The following NKAIN3 variants were observed in gnomAD, a reference collection of about 807,000 sequenced individuals.
NKAIN3 encodes the protein sodium/potassium transporting ATPase interacting 3.
In NKAIN3, 25 loss-of-function variants were observed where a neutral mutation model predicts 30.2. The observed-to-expected ratio is 0.83, with a 90% confidence interval of 0.60 to 1.16. The LOEUF is 1.16. NKAIN3 is among the 50% of genes most tolerant of loss of function. NKAIN3 has a pLI of 0.00. For synonymous variants in NKAIN3, 91 were observed against 89.6 expected, an observed-to-expected ratio of 1.02 and a Z score of -0.09; for missense variants, 225 against 254.1, an observed-to-expected ratio of 0.89 and a Z score of 0.78.
At chr8:62,362,553 T>C (rs1353285141) in intron 1 of NKAIN3, among the ~76,000 whole-genome samples, 1 of 152,044 alleles carries the variant, frequency 6.6e-6, no homozygotes, top group Non-Finnish European at 1.5e-5. Flanking sequence ...CAAGAGAAAC[T>C]GCAGAACCCA....
chr8:62,525,796 T>C (rs915614672), intron 1 of NKAIN3, among the ~76,000 whole-genome samples: 2 of 152,162 alleles, frequency 1.3e-5, no homozygotes, highest in Non-Finnish European at 2.9e-5. Flanking sequence ...ACAAAATCTA[T>C]GGTAAAACTT....
At chr8:62,345,496 C>CATGT (rs1554669303) in intron 1 of NKAIN3, among the ~76,000 whole-genome samples, 7 of 117,522 alleles carry the variant, frequency 6.0e-5, no homozygotes, top group South Asian at 2.5e-4. Flanking sequence ...TATATACACA[C>CATGT]ATATATACAC....
chr8:62,586,933 C>T (rs1785332011), intron 2 of NKAIN3, among the ~76,000 whole-genome samples: 1 of 151,874 alleles, frequency 6.6e-6, no homozygotes, highest in Non-Finnish European at 1.5e-5. Context: ...GCTTTCTTTA[C>T]TACAAGTATA....
chr8:62,488,696 A>G (rs1363624409), intron 1 of NKAIN3, among the ~76,000 whole-genome samples: 1 of 152,218 alleles, frequency 6.6e-6, no homozygotes, highest in Non-Finnish European at 1.5e-5. Flanking sequence ...GAATATTATC[A>G]GTAGGAGATA....
chr8:62,836,857 G>T (rs1378704917), intron 4 of NKAIN3, among the ~76,000 whole-genome samples: 1 of 152,100 alleles, frequency 6.6e-6, no homozygotes, highest in Non-Finnish European at 1.5e-5. Flanking sequence ...CTAGTAAAGA[G>T]TTAAAGATGC....
At chr8:62,709,729 C>T (rs1204785736) in intron 3 of NKAIN3, among the ~76,000 whole-genome samples, 1 of 151,960 alleles carries the variant, frequency 6.6e-6, no homozygotes, top group Non-Finnish European at 1.5e-5. Flanking sequence ...TTTAGTTCTG[C>T]TCTGATCTTT....
intron 4 of NKAIN3, among the ~76,000 whole-genome samples, chr8:62,865,086 A>G (rs1425333257): frequency 6.6e-6 from 1 of 151,728 alleles, no homozygotes; most frequent in Non-Finnish European, 1.5e-5. Flanking sequence ...AAAATACGCT[A>G]TGTTGGGGAA....
intron 3 of NKAIN3, among the ~76,000 whole-genome samples, chr8:62,698,271 A>C (rs1270179311): frequency 6.6e-6 from 1 of 152,222 alleles, no homozygotes; most frequent in Non-Finnish European, 1.5e-5. Context: ...TGACTTCCAC[A>C]TAACAGACCT....
At chr8:62,587,938 T>C (rs1032672020) in intron 2 of NKAIN3, among the ~76,000 whole-genome samples, 5 of 151,986 alleles carry the variant, frequency 3.3e-5, no homozygotes, top group Admixed American at 3.3e-4. Context: ...TTATTATGCA[T>C]TTGTTATAAC....
intron 1 of NKAIN3, among the ~76,000 whole-genome samples, chr8:62,529,740 G>T (rs1808428784): frequency 6.6e-6 from 1 of 152,120 alleles, no homozygotes; most frequent in South Asian, 2.1e-4. Flanking sequence ...TGTTATAGAA[G>T]CCAAACAGAC....
intron 1 of NKAIN3, among the ~76,000 whole-genome samples, chr8:62,454,062 T>G (rs1461352761): frequency 6.6e-6 from 1 of 151,982 alleles, no homozygotes; most frequent in Non-Finnish European, 1.5e-5. Context: ...TCTACCTTTA[T>G]TTTGTAGATG....
intron 3 of NKAIN3, among the ~76,000 whole-genome samples, chr8:62,631,447 T>C (rs1379143692): frequency 6.6e-6 from 1 of 152,172 alleles, no homozygotes; most frequent in Admixed American, 6.6e-5. Context: ...CACAATGTCC[T>C]GATGTCAGAA....
At chr8:62,906,382 C>T (rs536116852) in intron 4 of NKAIN3, among the ~76,000 whole-genome samples, 4 of 152,292 alleles carry the variant, frequency 2.6e-5, no homozygotes, top group East Asian at 1.9e-4. Context: ...TAGAATAAAG[C>T]TCTGCACAGA....
chr8:62,928,823 G>A (rs992859004), intron 5 of NKAIN3, among the ~76,000 whole-genome samples: 5 of 152,232 alleles, frequency 3.3e-5, no homozygotes, highest in African/African-American at 1.2e-4. Context: ...AATTTGAGAA[G>A]CAGGTGATAA....
At chr8:62,315,038 A>G (rs1327594606) in intron 1 of NKAIN3, among the ~76,000 whole-genome samples, 1 of 152,168 alleles carries the variant, frequency 6.6e-6, no homozygotes, top group Non-Finnish European at 1.5e-5. Context: ...GATGTTTGGT[A>G]TAAATAGATT....
intron 1 of NKAIN3, among the ~76,000 whole-genome samples, chr8:62,521,635 A>G (rs2129787757): frequency 6.6e-6 from 1 of 152,270 alleles, no homozygotes; most frequent in African/African-American, 2.4e-5. Context: ...GTTGCTGGTA[A>G]TGTAGCTGAA....
intron 1 of NKAIN3, among the ~76,000 whole-genome samples, chr8:62,533,204 C>G (rs1808540558): frequency 6.6e-6 from 1 of 152,108 alleles, no homozygotes; most frequent in South Asian, 2.1e-4. Flanking sequence ...TAGGAAAGGC[C>G]TCATTGAAAA....
rs1432200579 is a variant in NKAIN3 at position 62,874,131 on chromosome 8, T to TA, written c.472-44316dup. Among the ~76,000 whole-genome samples, 5 of 151,568 alleles carry TA rather than the reference T, an allele frequency of 3.3e-5. No individual in the cohort carries two copies. The South Asian group carries it at 8.4e-4, about 25-fold the overall frequency. On this transcript the variant is annotated intron_variant, in intron 4 of 6. Coordinates refer to ENST00000623646, the MANE Select transcript of NKAIN3 (RefSeq NM_001304533.3). ...AGAGAGAAGAATCAAATAGACACAATAAAAAATGATAAAGAGATTTCACCA... is the reference window on the plus strand; with the variant it reads ...AGAGAGAAGAATCAAATAGACACAATAAAAAAATGATAAAGAGATTTCACCA...
chr8:62,312,809 A>T (rs1814488894), intron 1 of NKAIN3, among the ~76,000 whole-genome samples: 1 of 139,858 alleles, frequency 7.2e-6, no homozygotes, highest in East Asian at 2.1e-4. Context: ...TGGGTGACAG[A>T]GTGAACCTTG....
Sources: gnomAD v4.1 joint callset for allele counts (sites outside exome capture counted in the v4.1 genomes callset) on GRCh38, gnomAD v4.1.1 for gene constraint, MANE v1.5 for transcripts, NCBI Gene and HGNC (gene_info 2026-07-23, HGNC 2026-07-21) for gene names.